PHKB: variants seen among roughly 807,000 people sequenced by gnomAD.
PHKB encodes phosphorylase kinase regulatory subunit beta, also known as phosphorylase b kinase regulatory subunit beta.
A neutral mutation model predicts 152.1 loss-of-function variants in PHKB; 122 were observed. That is an observed-to-expected ratio of 0.80 (90% confidence interval 0.69 to 0.93). PHKB has a LOEUF of 0.93. Among genes scored for constraint, PHKB ranks in the 40% least tolerant of loss-of-function variants. The pLI, the probability that PHKB is intolerant of heterozygous loss-of-function variation, is 0.00. For missense variants in PHKB, 1,304 were observed against 1,328.4 expected, an observed-to-expected ratio of 0.98 and a Z score of 0.29; for synonymous variants, 436 against 464.9, an observed-to-expected ratio of 0.94 and a Z score of 0.80.
At chr16:47,644,387 T>C (rs1367763950) in intron 16 of PHKB, among the ~76,000 whole-genome samples, 1 of 152,212 alleles carries the variant, frequency 6.6e-6, no homozygotes, top group Non-Finnish European at 1.5e-5. Flanking sequence ...GAGCACCAGC[T>C]ACATACTAGG....
chr16:47,518,076 T>C (rs1970626910), intron 6 of PHKB, among the ~76,000 whole-genome samples: 1 of 152,200 alleles, frequency 6.6e-6, no homozygotes, highest in Admixed American at 6.5e-5. Flanking sequence ...TCTTAGGCTC[T>C]GGTTTGGCTA....
chr16:47,615,779 C>T (rs941528824), intron 14 of PHKB, among the ~76,000 whole-genome samples: 10 of 152,116 alleles, frequency 6.6e-5, no homozygotes, highest in African/African-American at 2.2e-4. Context: ...AATGTATGTT[C>T]GTAAGTCTTT....
At chr16:47,648,484 G>A (rs753379796) in intron 16 of PHKB, 49 bp from the exon 17 acceptor site, 12 of 1,235,810 alleles carry the variant, frequency 9.7e-6, no homozygotes, top group African/African-American at 1.5e-5. Flanking sequence ...GGGTGAGAAA[G>A]TGACATGGAT....
At chr16:47,517,032 C>T (rs780744394) in intron 6 of PHKB, among the ~76,000 whole-genome samples, 1 of 152,084 alleles carries the variant, frequency 6.6e-6, no homozygotes, top group Non-Finnish European at 1.5e-5. Flanking sequence ...TTAGATCAAT[C>T]TTAAAGAGCA....
intron 1 of PHKB, among the ~76,000 whole-genome samples, chr16:47,486,169 A>G (rs1360652575): frequency 6.6e-6 from 1 of 152,240 alleles, no homozygotes; most frequent in Non-Finnish European, 1.5e-5. Context: ...ATCACTTTTG[A>G]TAAACAAGCA....
At chr16:47,693,653 TCTA>T in intron 28 of PHKB, 146 bp downstream of exon 28, 1 of 942,996 alleles carries the variant, frequency 1.1e-6, no homozygotes, top group Non-Finnish European at 1.6e-6. Flanking sequence ...AAATAAGACA[TCTA>T]ATCAATTGGA....
chr16:47,505,112 C>G (rs1394670118), intron 4 of PHKB, among the ~76,000 whole-genome samples: 1 of 152,176 alleles, frequency 6.6e-6, no homozygotes, highest in East Asian at 1.9e-4. Flanking sequence ...CCAAAACCCA[C>G]CCCACATGGT....
intron 14 of PHKB, among the ~76,000 whole-genome samples, chr16:47,628,488 C>T (rs1972753406): frequency 1.3e-5 from 2 of 152,228 alleles, no homozygotes; most frequent in Admixed American, 1.3e-4. Context: ...GCCTAGATCG[C>T]TCCACTGCGC....
intron 13 of PHKB, among the ~76,000 whole-genome samples, chr16:47,599,673 A>G (rs952775426): frequency 2.0e-5 from 3 of 152,240 alleles, no homozygotes; most frequent in African/African-American, 4.8e-5. Context: ...AAAGAAAGTC[A>G]GTTTCTCTTT....
intron 1 of PHKB, among the ~76,000 whole-genome samples, chr16:47,491,037 A>C (rs767357097): frequency 3.9e-5 from 6 of 152,228 alleles, no homozygotes; most frequent in African/African-American, 1.4e-4. Flanking sequence ...TACTGTTCTT[A>C]TACACCTAGC....
intron 8 of PHKB, among the ~76,000 whole-genome samples, chr16:47,584,355 A>AT (rs1340351909): frequency 6.6e-6 from 1 of 152,116 alleles, no homozygotes; most frequent in Non-Finnish European, 1.5e-5. Context: ...ATCAGAATTT[A>AT]TTTTCATCAA....
chr16:47,688,681 CTT>C (rs75628138), intron 26 of PHKB, among the ~76,000 whole-genome samples: 10 of 124,648 alleles, frequency 8.0e-5, no homozygotes, highest in Admixed American at 3.3e-4. Context: ...GCTCTCTTTC[CTT>C]TTTTTTTTTT....
At chr16:47,660,146 G>C (rs908141489) in intron 20 of PHKB, among the ~76,000 whole-genome samples, 3 of 152,192 alleles carry the variant, frequency 2.0e-5, no homozygotes, top group African/African-American at 7.2e-5. Context: ...ACGGGCATGA[G>C]CCACTGCACC....
chr16:47,661,611 T>C (rs1973445212), intron 22 of PHKB, 108 bp from the exon 23 acceptor site: 2 of 747,812 alleles, frequency 2.7e-6, no homozygotes, highest in South Asian at 2.8e-5. Flanking sequence ...CTCAGTTACA[T>C]AGTAAAGTGT....
intron 8 of PHKB, among the ~76,000 whole-genome samples, chr16:47,586,757 T>G (rs1971941506): frequency 6.6e-6 from 1 of 152,244 alleles, no homozygotes; most frequent in South Asian, 2.1e-4. Context: ...TTTCTGAGTA[T>G]TCTCCTTATT....
intron 4 of PHKB, among the ~76,000 whole-genome samples, chr16:47,504,371 G>A (rs1289305883): frequency 6.6e-6 from 1 of 152,226 alleles, no homozygotes; most frequent in Non-Finnish European, 1.5e-5. Flanking sequence ...ACTCACCAAA[G>A]TTCCAGACAT....
intron 1 of PHKB, among the ~76,000 whole-genome samples, chr16:47,494,833 A>G (rs1382129740): frequency 6.6e-6 from 1 of 152,064 alleles, no homozygotes. Context: ...CAGATGTCCT[A>G]TTTTTGTTTA....
chr16:47,684,788 AG>A (rs1167901942), intron 26 of PHKB, among the ~76,000 whole-genome samples: 5 of 152,058 alleles, frequency 3.3e-5, no homozygotes, highest in Non-Finnish European at 7.4e-5. Flanking sequence ...AAAAAAAAAA[AG>A]AGTGTTTTTA....
intron 7 of PHKB, chr16:47,565,726 G>T: frequency 1.3e-6 from 2 of 1,483,062 alleles, no homozygotes; most frequent in Non-Finnish European, 1.9e-6. Flanking sequence ...CATCGTTCTA[G>T]TTTTGGCTCA....
Sources: gnomAD v4.1 joint callset for allele counts (sites outside exome capture counted in the v4.1 genomes callset) on GRCh38, gnomAD v4.1.1 for gene constraint, MANE v1.5 for transcripts, NCBI Gene and HGNC (gene_info 2026-07-23, HGNC 2026-07-21) for gene names.